Variants in PUDP observed in about 807,000 individuals in gnomAD.
PUDP encodes pseudouridine-5'-phosphatase.
Under a neutral mutation model 9.4 loss-of-function variants are expected in PUDP, and 8 were observed. That is an observed-to-expected ratio of 0.85 (90% CI 0.50 to 1.53). PUDP has a LOEUF of 1.53. PUDP is among the 40% of genes most tolerant of loss of function. The probability of loss-of-function intolerance (pLI) is 0.00; values close to 1 mark genes in which losing one functional copy is unlikely to be tolerated. For missense variants in PUDP, 188 were observed against 189.7 expected (o/e 0.99, Z 0.05); for synonymous variants, 99 against 80.7 (o/e 1.23, Z -1.22).
chrX:6,866,875 C>T (rs1569113549), intron 3 of PUDP, among the ~76,000 whole-genome samples: 1 of 111,495 alleles, frequency 9.0e-6, no homozygotes, highest in East Asian at 2.8e-4. Flanking sequence ...AACTTACAGA[C>T]AGCGGGACAT....
chrX:7,097,504 T>G (rs1232184122), intron 2 of PUDP, among the ~76,000 whole-genome samples: 2 of 112,023 alleles, frequency 1.8e-5, no homozygotes, highest in Middle Eastern at 4.6e-3. Context: ...TTGCTTTACT[T>G]AATTCTACAT....
chrX:7,029,002 G>A (rs982755273), intron 1 of PUDP, among the ~76,000 whole-genome samples: 3 of 111,534 alleles, frequency 2.7e-5, no homozygotes, highest in African/African-American at 9.8e-5. Flanking sequence ...TTGGATTAGG[G>A]CCCACTCTAG....
chrX:6,751,400 C>T (rs929917773), intron 3 of PUDP, among the ~76,000 whole-genome samples: 4 of 111,531 alleles, frequency 3.6e-5, no homozygotes, highest in East Asian at 5.7e-4. Flanking sequence ...AAAGAAATCA[C>T]AGTAGCTGGA....
chrX:7,048,319 C>T (rs1930013584), downstream of PUDP, among the ~76,000 whole-genome samples: 1 of 112,160 alleles, frequency 8.9e-6, no homozygotes, highest in Non-Finnish European at 1.9e-5. Flanking sequence ...TTTCAATGAG[C>T]TATGAAAGTA....
At chrX:7,040,090 C>A (rs397842514) in intron 1 of PUDP, among the ~76,000 whole-genome samples, 1 of 112,257 alleles carries the variant, frequency 8.9e-6, no homozygotes, top group Admixed American at 9.4e-5. Context: ...TCATATAACT[C>A]TCTATCCAAA....
intron 3 of PUDP, among the ~76,000 whole-genome samples, chrX:7,055,446 G>A (rs770518331): frequency 1.3e-4 from 14 of 110,417 alleles, no homozygotes; most frequent in African/African-American, 4.0e-4. Context: ...AATAGAGATG[G>A]GGTTTCGCCA....
rs1216836431 is a variant in PUDP, at chrX:7,049,476, A to G, written c.*820T>C. ...AAATGGTTGTTGTGAGGTAGCAAAC[A>G]TTTTCCAATGCAGGTAAGGATGTAG... On this transcript the variant is annotated 3_prime_UTR_variant, in exon 4 of 4. Transcript: ENST00000381077. The G allele has an allele frequency of 1.8e-5, 2 of 112,509 alleles. No homozygotes were observed. 9.3% of individuals were successfully genotyped at this position (112,509 alleles called of 1,213,427 possible). A position where few individuals can be genotyped will look rare whatever the true frequency, so the allele number is the denominator to read the frequency against.
rs1359133947 is a variant in PUDP at position 7,049,807 on chromosome X, A to G, written c.*489T>C. ...ATACATAAAGCATATACTTATATGC[A>G]TACACAGTTTACATTTCCCAGCCAG... is the stretch of plus-strand genomic sequence containing the variant. On this transcript the variant is annotated 3_prime_UTR_variant, in exon 4 of 4. Coordinates refer to ENST00000381077, the MANE Select transcript of PUDP (RefSeq NM_012080.5). 1 of 112,919 alleles carries G rather than the reference A, an allele frequency of 8.9e-6. No individual in the cohort carries two copies. The highest frequency in any genetic ancestry group is 3.3e-5 in the African/African-American group (1 of 30,734). The allele number at this position is 112,919 out of a possible 1,213,427, so 9.3% of individuals were successfully genotyped here.
chrX:6,737,876 TGC>T (rs1412825545), intron 3 of PUDP, among the ~76,000 whole-genome samples: 1 of 111,392 alleles, frequency 9.0e-6, no homozygotes, highest in Non-Finnish European at 1.9e-5. Flanking sequence ...GTGCTGTCGA[TGC>T]GAGCACTGAA....
chrX:7,100,544 T>G (rs191143131), intron 2 of PUDP, among the ~76,000 whole-genome samples: 2 of 111,134 alleles, frequency 1.8e-5, no homozygotes, highest in Non-Finnish European at 3.8e-5. Context: ...GGTTATATTA[T>G]CATCTACACC....
chrX:7,030,547 A>G (rs948355938), intron 1 of PUDP, among the ~76,000 whole-genome samples: 7 of 111,255 alleles, frequency 6.3e-5, no homozygotes, highest in Non-Finnish European at 1.3e-4. Context: ...ATCTTGTGGG[A>G]TGAACAGTAT....
At chrX:6,797,946 T>C (rs752224480) in intron 3 of PUDP, among the ~76,000 whole-genome samples, 53 of 111,518 alleles carry the variant, frequency 4.8e-4, no homozygotes, top group African/African-American at 1.7e-3. Context: ...ATCAATGAAA[T>C]TGGTATCAAT....
At chrX:7,132,959 C>A (rs913800598) in intron 1 of PUDP, among the ~76,000 whole-genome samples, 6 of 111,857 alleles carry the variant, frequency 5.4e-5, no homozygotes, top group African/African-American at 2.0e-4. Flanking sequence ...AGAAAAAAGC[C>A]TGAAAGCCTG....
At chrX:7,143,732 T>C (rs1193257859) in intron 1 of PUDP, among the ~76,000 whole-genome samples, 3 of 112,122 alleles carry the variant, frequency 2.7e-5, no homozygotes, top group African/African-American at 9.7e-5. Context: ...ACACGTGTCT[T>C]GTGCTTTCTA....
At chrX:6,813,180 G>T (rs1192059367) in intron 3 of PUDP, among the ~76,000 whole-genome samples, 1 of 109,845 alleles carries the variant, frequency 9.1e-6, no homozygotes, top group African/African-American at 3.3e-5. Context: ...GAAGAACAAA[G>T]AAAGAGAAAA....
intron 1 of PUDP, among the ~76,000 whole-genome samples, chrX:7,035,602 A>G (rs1321033509): frequency 2.7e-5 from 3 of 112,361 alleles, no homozygotes; most frequent in Admixed American, 1.9e-4. Context: ...TAAAGATTAC[A>G]AGAAATCTTT....
intron 2 of PUDP, among the ~76,000 whole-genome samples, chrX:7,086,761 C>T (rs1210706705): frequency 8.9e-6 from 1 of 112,309 alleles, no homozygotes; most frequent in African/African-American, 3.2e-5. Flanking sequence ...AGGGACCCGG[C>T]ACCAACTCAA....
intron 3 of PUDP, among the ~76,000 whole-genome samples, chrX:6,925,556 A>G (rs1183928020): frequency 8.9e-6 from 1 of 112,229 alleles, no homozygotes; most frequent in African/African-American, 3.2e-5. Context: ...ACTCTGAGCC[A>G]ATAGCAGTGA....
chrX:6,743,333 G>C (rs1269055534), intron 3 of PUDP, among the ~76,000 whole-genome samples: 22 of 111,487 alleles, frequency 2.0e-4, no homozygotes, highest in Non-Finnish European at 2.6e-4. Context: ...AGCCACTGTG[G>C]CTTCCATTGC....
Sources: gnomAD v4.1 joint callset for allele counts (sites outside exome capture counted in the v4.1 genomes callset) on GRCh38, gnomAD v4.1.1 for gene constraint, MANE v1.5 for transcripts, NCBI Gene and HGNC (gene_info 2026-07-23, HGNC 2026-07-21) for gene names.